Variants in SESN1 observed in about 807,000 individuals in gnomAD.
SESN1 encodes the protein sestrin 1, also known as sestrin-1.
In SESN1, 30 loss-of-function variants were observed where a neutral mutation model predicts 59.3. The ratio of observed to expected loss-of-function variants is 0.51; its 90% CI spans 0.38 to 0.69. The LOEUF is 0.69. SESN1 is among the 30% of genes least tolerant of loss of function. The pLI, the probability that SESN1 is intolerant of heterozygous loss-of-function variation, is 0.00. For missense variants in SESN1, 566 were observed against 673.0 expected, an observed-to-expected ratio of 0.84 and a Z score of 1.76; for synonymous variants, 197 against 219.9, an observed-to-expected ratio of 0.90 and a Z score of 0.92.
chr6:109,085,534 C>T (rs1430686373), intron 1 of SESN1, among the ~76,000 whole-genome samples: 1 of 151,934 alleles, frequency 6.6e-6, no homozygotes, highest in Non-Finnish European at 1.5e-5. Flanking sequence ...CACACACACA[C>T]ACACACACAG....
rs2114491478 is a variant in SESN1, at chr6:109,094,139, T to C, written c.-66A>G. 1 of 1,469,760 alleles carries C rather than the reference T, an allele frequency of 6.8e-7. No homozygotes were observed. Among genetic ancestry groups the C allele is most frequent in the East Asian group, 2.3e-5 (1 of 43,858 alleles). 91.0% of individuals were successfully genotyped at this position (1,469,760 alleles called of 1,614,324 possible). On this transcript the variant is annotated 5_prime_UTR_variant, in exon 1 of 10. Coordinates refer to ENST00000436639, the MANE Select transcript of SESN1 (RefSeq NM_014454.3). ...CATGCCCCAAAAAAATTGCTTTGTA[T>C]TTTTAAAATGAAAAATGTAAAAATA...
At chr6:109,076,247 A>C (rs1379960967) in intron 1 of SESN1, among the ~76,000 whole-genome samples, 1 of 152,218 alleles carries the variant, frequency 6.6e-6, no homozygotes, top group East Asian at 1.9e-4. Context: ...GTATTTTAAC[A>C]AGTACTGCTG....
intron 1 of SESN1, among the ~76,000 whole-genome samples, chr6:109,073,571 AT>A (rs1780974836): frequency 6.6e-6 from 1 of 152,254 alleles, no homozygotes; most frequent in Non-Finnish European, 1.5e-5. Context: ...TCTAGCGCTC[AT>A]AAAAGCTAAA....
chr6:108,990,899 T>C, intron 7 of SESN1, 64 bp from the exon 8 acceptor site: 1 of 1,352,260 alleles, frequency 7.4e-7, no homozygotes, highest in Non-Finnish European at 1.0e-6. Context: ...TATCTATAGC[T>C]CTGTAGCATG....
Position 109,005,498 on chromosome 6 carries a change from T to C in SESN1, c.280-3155A>G, listed in dbSNP as rs563680060. Among the ~76,000 whole-genome samples, 51 of 152,334 alleles carry C rather than the reference T, an allele frequency of 3.3e-4. No individual in the cohort carries two copies. In the South Asian group the frequency reaches 0.01, roughly 30 times the overall value. ...TAGAAACAAAGAGGTATACAAATTA[T>C]ATTATTCTGGTTTTATTTCTCTACC... is the stretch of plus-strand genomic sequence containing the variant. On this transcript the variant is annotated intron_variant, in intron 1 of 9. Transcript: ENST00000436639.
chr6:109,038,926 G>GAGGAGGAGA (rs113304418), intron 1 of SESN1, among the ~76,000 whole-genome samples: 13 of 145,486 alleles, frequency 8.9e-5, no homozygotes, highest in African/African-American at 3.1e-4. Flanking sequence ...GGAGGAGGAG[G>GAGGAGGAGA]AGAAGAAAAG....
At chr6:109,022,821 C>T (rs1780033946) in intron 1 of SESN1, among the ~76,000 whole-genome samples, 1 of 152,052 alleles carries the variant, frequency 6.6e-6, no homozygotes, top group African/African-American at 2.4e-5. Flanking sequence ...AGTATTTAAC[C>T]CAAGGCCACA....
intron 1 of SESN1, among the ~76,000 whole-genome samples, chr6:109,058,533 G>A (rs923865024): frequency 4.6e-5 from 7 of 152,134 alleles, no homozygotes; most frequent in African/African-American, 7.2e-5. Context: ...TAGGTGATGC[G>A]TGACTGTACA....
At chr6:109,093,666 ACT>A in intron 1 of SESN1, 127 bp downstream of exon 1, 1 of 899,832 alleles carries the variant, frequency 1.1e-6, no homozygotes, top group Non-Finnish European at 1.6e-6. Context: ...CTTACAGAAC[ACT>A]CTAAAGATGT....
In SESN1 at chr6:109,001,413, C is replaced by A; in HGVS notation, c.421G>T (p.Asp141Tyr). 1 of 1,613,796 alleles carries A rather than the reference C, an allele frequency of 6.2e-7. No individual in the cohort carries two copies. The highest frequency in any genetic ancestry group is 8.5e-7 in the Non-Finnish European group (1 of 1,179,798). ...ADSFAALGRL[D>Y]NITLVMVFHP... is the part of the protein sequence containing the mutation. ...AAAACCATCACTAACGTAATGTTAT[C>A]CAAACGGCCCAAAGCAGCAAAAGAA... The change falls in exon 3 of 10, where the codon GAT becomes TAT. Residue 141 changes from aspartate (D) to tyrosine (Y), a missense_variant. Transcript: ENST00000436639.
At chr6:109,027,077 C>T (rs909875156) in intron 1 of SESN1, among the ~76,000 whole-genome samples, 1 of 151,724 alleles carries the variant, frequency 6.6e-6, no homozygotes, top group African/African-American at 2.4e-5. Context: ...GGCTGAGGCA[C>T]GAGAATCGCT....
intron 1 of SESN1, among the ~76,000 whole-genome samples, chr6:109,010,593 C>T (rs928834570): frequency 9.9e-5 from 15 of 152,162 alleles, no homozygotes; most frequent in African/African-American, 3.6e-4. Flanking sequence ...ACTCTTTTAG[C>T]TCTTCAACTA....
At chr6:108,996,127 C>T (rs12214567) in intron 5 of SESN1, among the ~76,000 whole-genome samples, 14,969 of 152,214 alleles carry the variant, frequency 0.098, 902 homozygotes, top group Middle Eastern at 0.19. Context: ...TTGTATATAT[C>T]CCAAGCCTAG....
chr6:109,026,805 G>T (rs1780101698), intron 1 of SESN1, among the ~76,000 whole-genome samples: 1 of 152,100 alleles, frequency 6.6e-6, no homozygotes, highest in African/African-American at 2.4e-5. Flanking sequence ...GCCCGGCCAG[G>T]TTTAACTTCT....
intron 1 of SESN1, among the ~76,000 whole-genome samples, chr6:109,082,006 G>A (rs531478957): frequency 7.2e-5 from 11 of 152,192 alleles, no homozygotes; most frequent in Admixed American, 5.9e-4. Flanking sequence ...CAGAGTATTC[G>A]GTTGCTTACT....
rs912592704 is a variant in SESN1, at chr6:109,009,250, G to A, written c.280-6907C>T. The stretch of plus-strand genomic sequence containing the variant: ...TGGGGAGCGTTTTCGGATGCTGACC[G>A]GGAGCGACTGTGAGGAGGCAACGTG... On this transcript the variant is annotated intron_variant, in intron 1 of 9. Coordinates refer to ENST00000436639, the MANE Select transcript of SESN1 (RefSeq NM_014454.3). The A allele has an allele frequency of 5.9e-5, 62 of 1,050,112 alleles. 1 individual carries two copies. Among genetic ancestry groups the A allele is most frequent in the Non-Finnish European group, 7.5e-5 (60 of 801,150 alleles). The allele number at this position is 1,050,112 out of a possible 1,614,324, so 65.0% of individuals were successfully genotyped here.
At chr6:109,039,149 G>GGGAGGAGGA (rs1562465906) in intron 1 of SESN1, among the ~76,000 whole-genome samples, 5 of 147,122 alleles carry the variant, frequency 3.4e-5, no homozygotes, top group African/African-American at 5.0e-5. Flanking sequence ...AAGAGGAGAA[G>GGGAGGAGGA]GAAGGAGGAG....
At chr6:109,038,922 G>GGAA (rs199990317) in intron 1 of SESN1, among the ~76,000 whole-genome samples, 1 of 147,370 alleles carries the variant, frequency 6.8e-6, no homozygotes, top group African/African-American at 2.5e-5. Context: ...AGGAGGAGGA[G>GGAA]GAGGAGAAGA....
intron 1 of SESN1, among the ~76,000 whole-genome samples, chr6:109,005,474 A>G (rs1017214103): frequency 2.6e-5 from 4 of 152,244 alleles, no homozygotes; most frequent in Non-Finnish European, 1.5e-5. Context: ...ACATAGGTTT[A>G]GAAACAAAGA....
Sources: gnomAD v4.1 joint callset for allele counts (sites outside exome capture counted in the v4.1 genomes callset) on GRCh38, gnomAD v4.1.1 for gene constraint, MANE v1.5 for transcripts, NCBI Gene and HGNC (gene_info 2026-07-23, HGNC 2026-07-21) for gene names.